TMEM233: variants seen among roughly 807,000 people sequenced by gnomAD.
The protein encoded by TMEM233 is dispanin subfamily B member 2.
Under a neutral mutation model 11.2 loss-of-function variants are expected in TMEM233, and 6 were observed. That is an observed-to-expected ratio of 0.54 (90% CI 0.29 to 1.06). The LOEUF (loss-of-function observed/expected upper bound fraction) is 1.06, where lower values mean the gene tolerates loss of function less well. Ranked by LOEUF, TMEM233 falls within the 50% of genes least tolerant of loss-of-function variation. TMEM233 has a pLI of 0.08. For missense variants in TMEM233, 127 were observed against 144.7 expected, an observed-to-expected ratio of 0.88 and a Z score of 0.63; for synonymous variants, 59 against 55.8, an observed-to-expected ratio of 1.06 and a Z score of -0.26.
chr12:119,629,068 T>C (rs1397913796), intron 1 of TMEM233, among the ~76,000 whole-genome samples: 2 of 152,228 alleles, frequency 1.3e-5, no homozygotes, highest in Non-Finnish European at 2.9e-5. Context: ...CAAATACTTA[T>C]CCAGCATCTT....
chr12:119,640,687 T>C lies in TMEM233; in HGVS notation c.324-12T>C, dbSNP rs1955068267. The C allele has an allele frequency of 1.3e-6, 2 of 1,550,288 alleles. No individual in the cohort carries two copies. ...CGGTCTTTCTCTCTCTCTCTCTGTC[T>C]GTACCACACAGTGCCTGAGGAACCA... On this transcript the variant is annotated splice_polypyrimidine_tract_variant and intron_variant, in intron 2 of 2. Coordinates refer to ENST00000426426, the MANE Select transcript of TMEM233 (RefSeq NM_001136534.3).
intron 1 of TMEM233, among the ~76,000 whole-genome samples, chr12:119,599,162 A>G (rs1476917771): frequency 6.6e-6 from 1 of 152,264 alleles, no homozygotes; most frequent in East Asian, 1.9e-4. Context: ...AATATTGAAC[A>G]TACCTGTTTT....
intron 1 of TMEM233, among the ~76,000 whole-genome samples, chr12:119,605,752 CA>C (rs1954268105): frequency 2.0e-5 from 3 of 151,816 alleles, no homozygotes; most frequent in African/African-American, 2.4e-5. Context: ...TGATAGGAAA[CA>C]GCTTTGATTG....
intron 1 of TMEM233, among the ~76,000 whole-genome samples, chr12:119,617,723 C>T (rs1355936691): frequency 6.6e-6 from 1 of 152,088 alleles, no homozygotes; most frequent in Non-Finnish European, 1.5e-5. Flanking sequence ...ATCCCAGCTA[C>T]TCGGGAGGCT....
At chr12:119,645,992 C>T (rs137982618), downstream of TMEM233, among the ~76,000 whole-genome samples, 973 of 152,208 alleles carry the variant, frequency 6.4e-3, 14 homozygotes, top group African/African-American at 0.022. Context: ...ACCTAAAGCA[C>T]GCCTAGAAGG....
chr12:119,634,435 C>A, intron 2 of TMEM233: 1 of 181,984 alleles, frequency 5.5e-6, no homozygotes, highest in Non-Finnish European at 1.0e-5. Flanking sequence ...TAGCAAGACC[C>A]TGTTGCTCCA....
At chr12:119,623,553 C>A (rs371584799) in intron 1 of TMEM233, among the ~76,000 whole-genome samples, 100 of 135,622 alleles carry the variant, frequency 7.4e-4, no homozygotes, top group Admixed American at 9.6e-4. Flanking sequence ...ACCAAAAATA[C>A]AAAAAAAAAA....
At chr12:119,651,273 G>T in the TMEM233 span, among the ~76,000 whole-genome samples, 2 of 152,192 alleles carry the variant, frequency 1.3e-5, no homozygotes, top group African/African-American at 4.8e-5. Flanking sequence ...CCACCTTTGT[G>T]TATTCTTTGA....
rs201633143 is a variant in TMEM233, at chr12:119,613,209, G to GT, written c.187-16525dup. ...ATTTGGGCAAATTCCCAAGAAGCCT[G>GT]TTCCAAAAAAAAAAAAAAAAAGGGC... On this transcript the variant is annotated intron_variant, in intron 1 of 2. Transcript: ENST00000426426. 8.9e-3 allele frequency among the ~76,000 whole-genome samples: 728 copies of GT among 81,436 alleles called. 6 individuals are homozygous for GT. Among genetic ancestry groups the GT allele is most frequent in the African/African-American group, 0.029 (689 of 23,410 alleles). 53.4% of individuals were successfully genotyped at this position (81,436 alleles called of 152,430 possible).
intron 2 of TMEM233, among the ~76,000 whole-genome samples, chr12:119,638,875 T>A (rs1207104682): frequency 6.6e-6 from 1 of 152,058 alleles, no homozygotes; most frequent in Non-Finnish European, 1.5e-5. Context: ...CGTCTCTATT[T>A]TTTTTTAAGT....
chr12:119,641,496 T>C lies in TMEM233; in HGVS notation c.*791T>C, dbSNP rs1955082940. The C allele has an allele frequency of 6.6e-6, 1 of 151,652 alleles. No homozygotes were observed. 9.4% of individuals were successfully genotyped at this position (151,652 alleles called of 1,614,324 possible). ...CTGGCTGTATTTATAGAATGTGCTTTTTTTTTTTCAATTTCTCACTCTCTC... is the reference window on the plus strand; with the variant it reads ...CTGGCTGTATTTATAGAATGTGCTTCTTTTTTTTCAATTTCTCACTCTCTC... On this transcript the variant is annotated 3_prime_UTR_variant, in exon 3 of 3. Transcript: ENST00000426426.
intron 2 of TMEM233, among the ~76,000 whole-genome samples, chr12:119,636,641 A>G (rs1378972323): frequency 6.6e-6 from 1 of 152,178 alleles, no homozygotes; most frequent in Non-Finnish European, 1.5e-5. Context: ...CATTGAGATT[A>G]GGCTCATGGT....
In TMEM233 at chr12:119,594,959, G is replaced by A. The variant is rs1483684351; in HGVS notation, c.186+925G>A. Among the ~76,000 whole-genome samples the A allele has an allele frequency of 6.6e-6, 1 of 152,176 alleles. No individual in the cohort carries two copies. The highest frequency in any genetic ancestry group is 1.9e-4 in the East Asian group (1 of 5,162). ...CTGTCCTGCGCCCGGGGCTCTCCCG[G>A]GAATGAACTAGGGGATTCCACGCAA... On this transcript the variant is annotated intron_variant, in intron 1 of 2. Transcript: ENST00000426426. The surrounding 1 kb of genome is among the most constrained non-coding windows in gnomAD (Gnocchi z 5.6).
rs1303570457 is a variant in TMEM233 at position 119,595,575 on chromosome 12, G to GC, written c.186+1542dup. Reference sequence around the variant, plus strand: ...TAGCTGTGTGATCTCTGAAGTCACTGCATCTCTGAACCTCAGTCTCTTTGT... The same window carrying GC: ...TAGCTGTGTGATCTCTGAAGTCACTGCCATCTCTGAACCTCAGTCTCTTTGT... On this transcript the variant is annotated intron_variant, in intron 1 of 2. Coordinates refer to ENST00000426426, the MANE Select transcript of TMEM233 (RefSeq NM_001136534.3). The surrounding 1 kb of genome is among the most constrained non-coding windows in gnomAD (Gnocchi z 4.3). Among the ~76,000 whole-genome samples, 1 of 152,210 alleles carries GC rather than the reference G, an allele frequency of 6.6e-6. No homozygotes were observed. Among genetic ancestry groups the GC allele is most frequent in the African/African-American group, 2.4e-5 (1 of 41,442 alleles).
the TMEM233 span, among the ~76,000 whole-genome samples, chr12:119,652,452 G>A: frequency 7.2e-5 from 11 of 152,090 alleles, no homozygotes; most frequent in African/African-American, 2.7e-4. Flanking sequence ...AAAACTGGAG[G>A]GTCAGTAAGA....
chr12:119,636,312 C>G (rs1276338678), intron 2 of TMEM233, among the ~76,000 whole-genome samples: 1 of 152,056 alleles, frequency 6.6e-6, no homozygotes, highest in African/African-American at 2.4e-5. Context: ...CTCCTAGTAC[C>G]CAGTCTACAA....
In TMEM233 at chr12:119,640,695, A is replaced by C; in HGVS notation, c.324-4A>C. ...CTCTCTCTCTCTCTGTCTGTACCAC[A>C]CAGTGCCTGAGGAACCAGCGGTCAG... On this transcript the variant is annotated splice_polypyrimidine_tract_variant and splice_region_variant and intron_variant, in intron 2 of 2. Transcript: ENST00000426426. 1.3e-6 allele frequency: 2 copies of C among 1,550,582 alleles called. No individual in the cohort carries two copies. Among genetic ancestry groups the C allele is most frequent in the Non-Finnish European group, 1.7e-6 (2 of 1,146,934 alleles).
At chr12:119,627,578 GCTC>G (rs1436431397) in intron 1 of TMEM233, among the ~76,000 whole-genome samples, 2 of 152,118 alleles carry the variant, frequency 1.3e-5, no homozygotes, top group African/African-American at 4.8e-5. Flanking sequence ...TAAACAACCA[GCTC>G]ACACATGAAC....
intron 1 of TMEM233, among the ~76,000 whole-genome samples, chr12:119,616,091 G>C (rs1954526458): frequency 6.6e-6 from 1 of 152,180 alleles, no homozygotes; most frequent in African/African-American, 2.4e-5. Flanking sequence ...GAGATCATTA[G>C]CATTTACTAC....
Sources: allele counts gnomAD v4.1 joint callset (sites outside exome capture counted in the v4.1 genomes callset), GRCh38; gene constraint gnomAD v4.1.1; non-coding constraint Gnocchi (gnomAD v3.1); transcripts MANE v1.5; gene names NCBI Gene and HGNC (gene_info 2026-07-23, HGNC 2026-07-21).